Variants in DGCR2 observed in about 807,000 individuals in gnomAD.
DGCR2 encodes integral membrane protein DGCR2/IDD.
In DGCR2, 24 loss-of-function variants were observed where a neutral mutation model predicts 51.6. That is an observed-to-expected ratio of 0.47 (90% CI 0.34 to 0.65). DGCR2 has a LOEUF of 0.65. Ranked by LOEUF, DGCR2 falls within the 30% of genes least tolerant of loss-of-function variation. The pLI is 0.01. For missense variants in DGCR2, 765 were observed against 772.1 expected (o/e 0.99, Z 0.11); for synonymous variants, 340 against 315.4 (o/e 1.08, Z -0.82).
intron 6 of DGCR2, among the ~76,000 whole-genome samples, chr22:19,052,090 CTG>C (rs2082554274): frequency 6.6e-6 from 1 of 152,312 alleles, no homozygotes; most frequent in East Asian, 1.9e-4. Context: ...AATCAAGCAA[CTG>C]TAATCCTGGG....
intron 1 of DGCR2, among the ~76,000 whole-genome samples, chr22:19,106,333 A>G (rs1391268362): frequency 6.6e-6 from 1 of 152,190 alleles, no homozygotes; most frequent in Admixed American, 6.5e-5. Flanking sequence ...ATGCTCTGAG[A>G]GGGACCCACA....
intron 5 of DGCR2, 96 bp downstream of exon 5, chr22:19,063,106 G>C (rs1167350438): frequency 1.7e-6 from 2 of 1,208,112 alleles, no homozygotes; most frequent in Non-Finnish European, 2.4e-6. Flanking sequence ...GCACCCCTAC[G>C]GGCCAGGCAG....
chr22:19,099,948 C>T (rs569781526), intron 1 of DGCR2, among the ~76,000 whole-genome samples: 4 of 145,262 alleles, frequency 2.8e-5, no homozygotes, highest in African/African-American at 1.0e-4. Context: ...CCAGCCTGGA[C>T]GACAGAGCAA....
intron 1 of DGCR2, among the ~76,000 whole-genome samples, chr22:19,118,098 G>A (rs889741902): frequency 2.0e-5 from 3 of 151,942 alleles, no homozygotes; most frequent in Non-Finnish European, 4.4e-5. Flanking sequence ...CCGGGGAGAG[G>A]TGGCTCACAC....
chr22:19,107,003 G>C (rs2083266985), intron 1 of DGCR2, among the ~76,000 whole-genome samples: 1 of 151,928 alleles, frequency 6.6e-6, no homozygotes, highest in African/African-American at 2.4e-5. Context: ...CCAACATATT[G>C]TACTTTTTTT....
rs1601259007 is a variant in DGCR2 at position 19,085,984 on chromosome 22, T to C, written c.202+3384A>G. On this transcript the variant is annotated intron_variant, in intron 2 of 9. Coordinates refer to ENST00000263196, the MANE Select transcript of DGCR2 (RefSeq NM_005137.3). ...TTTCCTTTTTTGAGAGGGGAGGAGGTTGGGGGAAGGGAGAGTGTCAATGAG... is the reference window on the plus strand; with the variant it reads ...TTTCCTTTTTTGAGAGGGGAGGAGGCTGGGGGAAGGGAGAGTGTCAATGAG... Among the ~76,000 whole-genome samples the C allele has an allele frequency of 2.0e-5, 3 of 151,742 alleles. No homozygotes were observed. In the South Asian group the frequency reaches 6.3e-4, roughly 32 times the overall value.
At chr22:19,081,538 G>C (rs916686559) in intron 2 of DGCR2, among the ~76,000 whole-genome samples, 1 of 152,186 alleles carries the variant, frequency 6.6e-6, no homozygotes, top group Non-Finnish European at 1.5e-5. Flanking sequence ...CATTTGGGTT[G>C]TTTCCAAGAC....
Position 19,122,222 on chromosome 22 carries a change from C to G in DGCR2, c.-16G>C, listed in dbSNP as rs1381610640. 7.2e-7 allele frequency: 1 copy of G among 1,393,318 alleles called. No individual in the cohort carries two copies. The highest frequency in any genetic ancestry group is 3.1e-5 in the East Asian group (1 of 32,060). 86.3% of individuals were successfully genotyped at this position (1,393,318 alleles called of 1,614,324 possible). ...TGGGCACCATTTATCCTCCGTTCAT[C>G]GTCCCCGGGGCGGCTGGAAGGCCGG... On this transcript the variant is annotated 5_prime_UTR_variant, in exon 1 of 10. Transcript: ENST00000263196.
intron 5 of DGCR2, chr22:19,061,478 C>T (rs1160703451): frequency 6.6e-6 from 1 of 152,176 alleles, no homozygotes; most frequent in African/African-American, 2.4e-5. Context: ...TATTGCTGCA[C>T]CTAAGAAAAT....
At position 19,108,569 on chromosome 22, in the gene DGCR2, T is replaced by TAA. The variant is rs55803042; in HGVS notation, c.79+13557_79+13558dup. ...CAGCCTGGGCAACAGAGAATTTATC[T>TAA]AAAAAAAAAAAAAAAAAAAAAAAAA... is the stretch of plus-strand genomic sequence containing the variant. On this transcript the variant is annotated intron_variant, in intron 1 of 9. Transcript: ENST00000263196. Among the ~76,000 whole-genome samples, 109 of 90,638 alleles carry TAA rather than the reference T, an allele frequency of 1.2e-3. 6 individuals carry two copies. Among genetic ancestry groups the TAA allele is most frequent in the Middle Eastern group, 6.0e-3 (1 of 168 alleles). 59.5% of individuals were successfully genotyped at this position (90,638 alleles called of 152,430 possible). A position where few individuals can be genotyped will look rare whatever the true frequency, so the allele number is the denominator to read the frequency against.
rs558936135 is a variant in DGCR2 at position 19,068,115 on chromosome 22, G to A, written c.313C>T (p.Pro105Ser). ...SHFHAVNVAQ[P>S]VRFSSFLGKC... is the part of the protein sequence containing the mutation. ...TGCAACTTACTGCTGAAGCGAACGGGCTGCGCCACGTTCACCGCGTGGAAG... is the reference window on the plus strand; with the variant it reads ...TGCAACTTACTGCTGAAGCGAACGGACTGCGCCACGTTCACCGCGTGGAAG... Residue 105 changes from proline (P) to serine (S), a missense_variant, in exon 3 of 10, where the codon CCC (proline) becomes TCC (serine). Transcript: ENST00000263196. 1.9e-6 allele frequency: 3 copies of A among 1,595,488 alleles called. No homozygotes were observed. In the South Asian group the frequency reaches 3.4e-5, roughly 18 times the overall value.
rs955499719 is a variant in DGCR2 at position 19,048,594 on chromosome 22, G to A, written c.852C>T (p.Tyr284=). 6.2e-7 allele frequency: 1 copy of A among 1,614,144 alleles called. No homozygotes were observed. Among genetic ancestry groups the A allele is most frequent in the Non-Finnish European group, 8.5e-7 (1 of 1,180,060 alleles). The stretch of plus-strand genomic sequence containing the variant: ...ATGGGTCGTCCCCCTTAGGGGTGAA[G>A]TAGAACCCTTCATCCACCACGTTGT... ...IKDNVVDEGF[Y]FTPKGDDPCL... The change falls in exon 7 of 10, where the codon TAC becomes TAT. Residue 284 remains tyrosine (Y), a synonymous_variant. Transcript: ENST00000263196.
intron 1 of DGCR2, among the ~76,000 whole-genome samples, chr22:19,099,255 A>G (rs73388723): frequency 0.028 from 4,257 of 152,294 alleles, 103 homozygotes; most frequent in South Asian, 0.066. Flanking sequence ...CAACAGGTCA[A>G]ACTGGCATTG....
chr22:19,101,072 T>C (rs760685063), intron 1 of DGCR2, among the ~76,000 whole-genome samples: 2 of 151,584 alleles, frequency 1.3e-5, no homozygotes. Context: ...GACTGCGCCA[T>C]TGTACTCCAG....
chr22:19,090,804 A>G (rs927904929), intron 1 of DGCR2, among the ~76,000 whole-genome samples: 1 of 127,364 alleles, frequency 7.9e-6, no homozygotes, highest in African/African-American at 3.1e-5. Context: ...AAATAATCCA[A>G]AAGAAGGAAA....
chr22:19,094,061 G>A (rs2083110953), intron 1 of DGCR2, among the ~76,000 whole-genome samples: 1 of 152,296 alleles, frequency 6.6e-6, no homozygotes, highest in South Asian at 2.1e-4. Context: ...ACTTAACCAA[G>A]GAAGATATAT....
chr22:19,063,252 A>T lies in DGCR2; in HGVS notation c.575T>A (p.Ile192Asn), dbSNP rs1013185046. Residue 192 changes from isoleucine (I) to asparagine (N), a missense_variant, in exon 5 of 10, where the codon ATC becomes AAC. By Grantham distance (149) the Ile-to-Asn change is moderately radical. This residue lies in a region of DGCR2 where 370 missense variants were observed against 325.5 expected (regional missense o/e 1.14). Transcript: ENST00000263196. ...TTCCAAGGAGCGGTTCCGGCCAGTG[A>T]TAACATACTGATAGCCAACCCACAA... ...RKLWVGYQYV[I>N]TGRNRSLEGR... The T allele has an allele frequency of 6.2e-7, 1 of 1,614,208 alleles. No homozygotes were observed. Among genetic ancestry groups the T allele is most frequent in the Non-Finnish European group, 8.5e-7 (1 of 1,180,036 alleles).
intron 1 of DGCR2, among the ~76,000 whole-genome samples, chr22:19,119,579 T>C (rs963818078): frequency 1.3e-5 from 2 of 151,416 alleles, no homozygotes; most frequent in South Asian, 2.1e-4. Context: ...CTACTAAAAA[T>C]ACAAAAATTA....
At chr22:19,115,797 G>A (rs1444903827) in intron 1 of DGCR2, among the ~76,000 whole-genome samples, 1 of 152,144 alleles carries the variant, frequency 6.6e-6, no homozygotes, top group Non-Finnish European at 1.5e-5. Context: ...ACAGCAAAGA[G>A]CACTCTCTGT....
Sources: gnomAD v4.1 joint callset for allele counts (sites outside exome capture counted in the v4.1 genomes callset) on GRCh38, gnomAD v4.1.1 for gene constraint, gnomAD v4.1.1 regional missense constraint, MANE v1.5 for transcripts, NCBI Gene and HGNC (gene_info 2026-07-23, HGNC 2026-07-21) for gene names.